The following ACSM1 variants were observed in gnomAD, a reference collection of about 807,000 sequenced individuals.
ACSM1 encodes the protein acyl-coenzyme A synthetase ACSM1, mitochondrial.
Under a neutral mutation model 75.8 loss-of-function variants are expected in ACSM1, and 79 were observed. The ratio of observed to expected loss-of-function variants is 1.04; its 90% CI spans 0.87 to 1.26. ACSM1 has a LOEUF of 1.26. Ranked by LOEUF, ACSM1 falls within the 50% of genes most tolerant of loss-of-function variation. ACSM1 has a pLI of 0.00. For synonymous variants in ACSM1, 279 were observed against 265.8 expected, an observed-to-expected ratio of 1.05 and a Z score of -0.48; for missense variants, 676 against 720.1, an observed-to-expected ratio of 0.94 and a Z score of 0.70.
intron 6 of ACSM1, among the ~76,000 whole-genome samples, chr16:20,668,056 G>C (rs1040859519): frequency 3.3e-5 from 5 of 152,022 alleles, no homozygotes; most frequent in African/African-American, 9.7e-5. Flanking sequence ...AAAACTTATT[G>C]GGTACTATAT....
chr16:20,694,413 GAACA>G (rs2079678957), intron 1 of ACSM1, among the ~76,000 whole-genome samples: 1 of 152,116 alleles, frequency 6.6e-6, no homozygotes, highest in African/African-American at 2.4e-5. Context: ...CGGCACCAAG[GAACA>G]AACATTTCAA....
chr16:20,674,167 C>A (rs995473994), intron 4 of ACSM1: 6 of 417,364 alleles, frequency 1.4e-5, no homozygotes, highest in Non-Finnish European at 2.4e-5. Context: ...TGTAAGAAAA[C>A]CCAGTTGCCC....
At chr16:20,633,779 C>A (rs937465483) in intron 10 of ACSM1, among the ~76,000 whole-genome samples, 38 of 152,136 alleles carry the variant, frequency 2.5e-4, no homozygotes, top group African/African-American at 8.7e-4. Context: ...TCCATAATCC[C>A]AGCACTTTGG....
intron 10 of ACSM1, among the ~76,000 whole-genome samples, chr16:20,632,393 A>G (rs1210385362): frequency 1.3e-5 from 2 of 152,220 alleles, no homozygotes; most frequent in Admixed American, 1.3e-4. Flanking sequence ...GAATTATAAG[A>G]GAATACTATG....
chr16:20,689,775 C>A (rs1243019746), intron 2 of ACSM1, among the ~76,000 whole-genome samples: 1 of 152,168 alleles, frequency 6.6e-6, no homozygotes, highest in Non-Finnish European at 1.5e-5. Flanking sequence ...AACCAGATTT[C>A]CAGTCTGGGC....
chr16:20,663,524 G>A (rs965487940), intron 6 of ACSM1, among the ~76,000 whole-genome samples: 2 of 152,098 alleles, frequency 1.3e-5, no homozygotes, highest in Non-Finnish European at 2.9e-5. Context: ...CTTGTGTTGG[G>A]TCTGATCACC....
At chr16:20,627,968 G>A in intron 10 of ACSM1, among the ~76,000 whole-genome samples, 1 of 143,830 alleles carries the variant, frequency 7.0e-6, no homozygotes, top group South Asian at 2.2e-4. Context: ...CCATTATGGT[G>A]TGAACCTTGC....
chr16:20,661,849 G>T lies in ACSM1; in HGVS notation c.937C>A (p.His313Asn), dbSNP rs145195826. Residue 313 changes from histidine (H) to asparagine (N), a missense_variant, in exon 7 of 14, where the codon CAC becomes AAC. His to Asn is a moderately conservative substitution (Grantham distance 68, BLOSUM62 1). Transcript: ENST00000520010. Reference sequence around the variant, plus strand: ...TATATAGATGATACCCCCCAAAAGTGGTTAATGGGGTATTTCAACAATGTC... The same window carrying T: ...TATATAGATGATACCCCCCAAAAGTTGTTAATGGGGTATTTCAACAATGTC... Reference protein sequence around the residue: ...IQTLLKYPINHFWGVSSIYRM... With the variant: ...IQTLLKYPINNFWGVSSIYRM... 1.4e-4 allele frequency: 222 copies of T among 1,606,450 alleles called. No homozygotes were observed. The highest frequency in any genetic ancestry group is 1.8e-4 in the Non-Finnish European group (209 of 1,174,388).
At chr16:20,651,675 C>T (rs936705061) in intron 7 of ACSM1, among the ~76,000 whole-genome samples, 8 of 151,768 alleles carry the variant, frequency 5.3e-5, no homozygotes, top group East Asian at 1.9e-4. Context: ...CACACAAACA[C>T]ACATATGAAG....
chr16:20,650,603 A>G (rs566065629), intron 7 of ACSM1, among the ~76,000 whole-genome samples: 1 of 152,028 alleles, frequency 6.6e-6, no homozygotes, highest in South Asian at 2.1e-4. Flanking sequence ...AGTCCTGCCC[A>G]CAAGCAGCAT....
chr16:20,627,064 A>G (rs1157020393), intron 11 of ACSM1, 125 bp downstream of exon 11: 3 of 1,300,784 alleles, frequency 2.3e-6, no homozygotes, highest in African/African-American at 1.5e-5. Context: ...TCAGGGCACC[A>G]TAGACACGGC....
intron 4 of ACSM1, chr16:20,674,057 G>C (rs1231532720): frequency 2.3e-6 from 1 of 438,336 alleles, no homozygotes; most frequent in Non-Finnish European, 4.6e-6. Flanking sequence ...CCTACCACTG[G>C]CTGCTTGTCT....
intron 7 of ACSM1, among the ~76,000 whole-genome samples, chr16:20,654,248 T>C (rs2018816544): frequency 6.6e-6 from 1 of 152,142 alleles, no homozygotes; most frequent in Admixed American, 6.5e-5. Flanking sequence ...CAAAAGTTAA[T>C]TGAAGATGGA....
At chr16:20,687,386 C>A (rs374003128) in intron 2 of ACSM1, among the ~76,000 whole-genome samples, 27 of 151,882 alleles carry the variant, frequency 1.8e-4, no homozygotes, top group African/African-American at 6.1e-4. Context: ...CGAGGTGGGG[C>A]GGGATGCACA....
At chr16:20,656,382 A>C (rs2018958983) in intron 7 of ACSM1, among the ~76,000 whole-genome samples, 1 of 152,156 alleles carries the variant, frequency 6.6e-6, no homozygotes, top group Non-Finnish European at 1.5e-5. Flanking sequence ...AATTTGGTAA[A>C]TTTAATCTCA....
chr16:20,648,226 C>T lies in ACSM1; in HGVS notation c.993-7642G>A, dbSNP rs2018464363. Among the ~76,000 whole-genome samples, 1 of 152,116 alleles carries T rather than the reference C, an allele frequency of 6.6e-6. No individual in the cohort carries two copies. On this transcript the variant is annotated intron_variant, in intron 7 of 13. Transcript: ENST00000520010. The surrounding 1 kb of genome is among the most constrained non-coding windows in gnomAD (Gnocchi z 4.2). ...TAAAAGTCTGAAAAGAAACATTTAC[C>T]ATCTATTCTCTCTGAAGGAGTCTTC...
rs916609954 is a variant in ACSM1 at position 20,685,829 on chromosome 16, A to C, written c.193-426T>G. 1.1e-4 allele frequency among the ~76,000 whole-genome samples: 10 copies of C among 92,704 alleles called. 1 individual carries two copies. Among genetic ancestry groups the C allele is most frequent in the East Asian group, 3.1e-4 (1 of 3,194 alleles). The allele number at this position is 92,704 out of a possible 152,430, so 60.8% of individuals were successfully genotyped here. ...AGTGAGACTCCGTCTCAAAAAAAAA[A>C]AACAAACAAAAAAAAAACAAAAAAC... is the stretch of plus-strand genomic sequence containing the variant. On this transcript the variant is annotated intron_variant, in intron 2 of 13. Coordinates refer to ENST00000520010, the MANE Select transcript of ACSM1 (RefSeq NM_001318890.3).
chr16:20,684,471 G>A (rs1443401828), intron 3 of ACSM1, among the ~76,000 whole-genome samples: 1 of 152,228 alleles, frequency 6.6e-6, no homozygotes, highest in Non-Finnish European at 1.5e-5. Context: ...CCCCTGATGT[G>A]ATGCACAGAG....
intron 4 of ACSM1, among the ~76,000 whole-genome samples, chr16:20,675,023 A>G (rs1046467102): frequency 2.6e-5 from 4 of 152,196 alleles, no homozygotes; most frequent in Non-Finnish European, 4.4e-5. Flanking sequence ...ATACAGCGGC[A>G]AGTGCAGCAA....
Sources: gnomAD v4.1 joint callset for allele counts (sites outside exome capture counted in the v4.1 genomes callset) on GRCh38, gnomAD v4.1.1 for gene constraint, Gnocchi (gnomAD v3.1) non-coding constraint, MANE v1.5 for transcripts, NCBI Gene and HGNC (gene_info 2026-07-23, HGNC 2026-07-21) for gene names.